The following POLE2 variants were observed in gnomAD, a reference collection of about 807,000 sequenced individuals.
POLE2 encodes DNA polymerase epsilon 2, accessory subunit.
A neutral mutation model predicts 79.4 loss-of-function variants in POLE2; 56 were observed. The observed-to-expected ratio is 0.71, with a 90% CI of 0.57 to 0.88. The LOEUF is 0.88. Ranked by LOEUF, POLE2 falls within the 40% of genes least tolerant of loss-of-function variation. The pLI is 0.00. For synonymous variants in POLE2, 212 were observed against 214.0 expected, an observed-to-expected ratio of 0.99 and a Z score of 0.08; for missense variants, 598 against 638.9, an observed-to-expected ratio of 0.94 and a Z score of 0.69.
intron 17 of POLE2, 110 bp from the exon 18 acceptor site, chr14:49,647,470 T>G (rs1566524472): frequency 2.9e-6 from 1 of 343,256 alleles, no homozygotes; most frequent in African/African-American, 2.2e-5. Flanking sequence ...TATTTATTTT[T>G]TTTTTGAGAC....
chr14:49,679,854 T>C, intron 2 of POLE2, 54 bp from the exon 3 acceptor site: 1 of 949,284 alleles, frequency 1.1e-6, no homozygotes, highest in Non-Finnish European at 1.7e-6. Flanking sequence ...AAATAGTTCT[T>C]TCCACAGACA....
At chr14:49,662,370 T>C (rs1279019121) in intron 10 of POLE2, among the ~76,000 whole-genome samples, 4 of 152,252 alleles carry the variant, frequency 2.6e-5, no homozygotes, top group African/African-American at 9.6e-5. Flanking sequence ...CGATCTCGGC[T>C]CACTGCAACC....
intron 17 of POLE2, 92 bp downstream of exon 17, chr14:49,650,173 G>T (rs111569931): frequency 4.8e-6 from 3 of 629,362 alleles, no homozygotes; most frequent in South Asian, 1.3e-4. Flanking sequence ...TTTTTACTTC[G>T]ACAATAATCT....
chr14:49,644,751 G>A (rs1487951289), intron 18 of POLE2, among the ~76,000 whole-genome samples: 1 of 151,678 alleles, frequency 6.6e-6, no homozygotes, highest in East Asian at 1.9e-4. Context: ...AAAAACTGCA[G>A]TAAAAAGGCT....
chr14:49,670,248 A>AG (rs1885783945), intron 5 of POLE2, among the ~76,000 whole-genome samples: 1 of 143,498 alleles, frequency 7.0e-6, no homozygotes, highest in African/African-American at 2.6e-5. Flanking sequence ...TCCAGGAGGC[A>AG]GAGGTTGCAG....
chr14:49,651,262 C>A lies in POLE2; in HGVS notation c.1320+7G>T. The A allele has an allele frequency of 7.1e-7, 1 of 1,401,038 alleles. No individual in the cohort carries two copies. Among genetic ancestry groups the A allele is most frequent in the South Asian group, 1.2e-5 (1 of 84,272 alleles). 86.8% of individuals were successfully genotyped at this position (1,401,038 alleles called of 1,614,324 possible). A position where few individuals can be genotyped will look rare whatever the true frequency, so the allele number is the denominator to read the frequency against. ...AGGCAGTTTAATAAAAAAGTTGTTT[C>A]ACTTACGTGATTAGGAATAGCCAAA... On this transcript the variant is annotated splice_region_variant and intron_variant, in intron 16 of 18. Coordinates refer to ENST00000216367, the MANE Select transcript of POLE2 (RefSeq NM_002692.4).
intron 11 of POLE2, among the ~76,000 whole-genome samples, chr14:49,655,458 A>AACACACACACACACACACACAC (rs35575577): frequency 1.4e-5 from 2 of 143,396 alleles, no homozygotes; most frequent in African/African-American, 2.6e-5. Context: ...CATGACTATA[A>AACACACACACACACACACACAC]ACACACACAC....
At chr14:49,681,225 T>TG (rs1467609191) in intron 2 of POLE2, 5 of 194,846 alleles carry the variant, frequency 2.6e-5, no homozygotes, top group African/African-American at 1.2e-4. Flanking sequence ...CCCATGCTTG[T>TG]GGTATTAAGT....
chr14:49,672,841 A>G (rs1385040081), intron 5 of POLE2, among the ~76,000 whole-genome samples: 1 of 151,996 alleles, frequency 6.6e-6, no homozygotes, highest in African/African-American at 2.4e-5. Flanking sequence ...CCAAGGTCTC[A>G]TCCTTGCAGT....
At chr14:49,653,365 G>A (rs772143683) in intron 15 of POLE2, among the ~76,000 whole-genome samples, 1 of 152,220 alleles carries the variant, frequency 6.6e-6, no homozygotes, top group Non-Finnish European at 1.5e-5. Context: ...ATTACAATGA[G>A]CAATACGAAC....
intron 18 of POLE2, chr14:49,647,072 C>A (rs2139601208): frequency 2.8e-6 from 1 of 357,224 alleles, no homozygotes; most frequent in East Asian, 4.7e-5. Context: ...CTGAGATTTC[C>A]CCCAGAAAAC....
chr14:49,645,331 T>C (rs1472638215), intron 18 of POLE2, among the ~76,000 whole-genome samples: 1 of 152,220 alleles, frequency 6.6e-6, no homozygotes, highest in Non-Finnish European at 1.5e-5. Flanking sequence ...TTTATCAACT[T>C]TGACTACATT....
chr14:49,664,298 G>A (rs1266613933), intron 9 of POLE2, among the ~76,000 whole-genome samples: 1 of 149,006 alleles, frequency 6.7e-6, no homozygotes, highest in Non-Finnish European at 1.5e-5. Flanking sequence ...GCAGTGAGCC[G>A]AGATCGCGCC....
At chr14:49,660,106 C>A (rs1213824303) in intron 10 of POLE2, among the ~76,000 whole-genome samples, 2 of 152,150 alleles carry the variant, frequency 1.3e-5, no homozygotes, top group Non-Finnish European at 2.9e-5. Flanking sequence ...ATATTTTATA[C>A]CATATTTTTA....
At position 49,678,400 on chromosome 14, in the gene POLE2, T is replaced by C. The variant is rs369364758; in HGVS notation, c.245+1325A>G. ...GTTGGGAAAAGGAAAACTGATGCGA[T>C]ATGGTACATGGCTCTGTGCAGGACT... On this transcript the variant is annotated intron_variant, in intron 3 of 18. Coordinates refer to ENST00000216367, the MANE Select transcript of POLE2 (RefSeq NM_002692.4). Among the ~76,000 whole-genome samples, 23 of 152,230 alleles carry C rather than the reference T, an allele frequency of 1.5e-4. No individual in the cohort carries two copies. The South Asian group carries it at 3.5e-3, about 23-fold the overall frequency.
chr14:49,686,995 T>C (rs1442972520), intron 1 of POLE2, among the ~76,000 whole-genome samples: 1 of 152,032 alleles, frequency 6.6e-6, no homozygotes, highest in Non-Finnish European at 1.5e-5. Flanking sequence ...TAAAATATTG[T>C]GTTCTAGGTC....
At chr14:49,655,399 C>T (rs1884581495) in intron 11 of POLE2, among the ~76,000 whole-genome samples, 1 of 151,622 alleles carries the variant, frequency 6.6e-6, no homozygotes, top group Admixed American at 6.6e-5. Flanking sequence ...GATGGGGTCT[C>T]ACTATGTTGT....
chr14:49,685,430 G>A (rs369652300), intron 1 of POLE2, among the ~76,000 whole-genome samples: 2 of 151,986 alleles, frequency 1.3e-5, no homozygotes, highest in African/African-American at 2.4e-5. Context: ...ATACATTTTG[G>A]TTGCATCTTG....
chr14:49,685,807 TTA>T (rs1215164948), intron 1 of POLE2, among the ~76,000 whole-genome samples: 1 of 150,988 alleles, frequency 6.6e-6, no homozygotes, highest in African/African-American at 2.5e-5. Context: ...TTTTGTATTT[TTA>T]GTAGAGACAG....
Sources: allele counts gnomAD v4.1 joint callset (sites outside exome capture counted in the v4.1 genomes callset), GRCh38; gene constraint gnomAD v4.1.1; transcripts MANE v1.5; gene names NCBI Gene and HGNC (gene_info 2026-07-23, HGNC 2026-07-21).